The following LIPF variants were observed in gnomAD, a reference collection of about 807,000 sequenced individuals.
LIPF encodes gastric triacylglycerol lipase.
In LIPF, 25 loss-of-function variants were observed where a neutral mutation model predicts 38.0. The observed-to-expected ratio is 0.66, with a 90% CI of 0.48 to 0.92. The LOEUF is 0.92. LIPF is among the 40% of genes least tolerant of loss of function. The pLI, the probability that LIPF is intolerant of heterozygous loss-of-function variation, is 0.00. For synonymous variants in LIPF, 161 were observed against 156.2 expected (o/e 1.03, Z -0.23); for missense variants, 410 against 469.9 (o/e 0.87, Z 1.18).
intron 3 of LIPF, among the ~76,000 whole-genome samples, chr10:88,668,162 G>A (rs1176559097): frequency 6.6e-6 from 1 of 151,580 alleles, no homozygotes; most frequent in Non-Finnish European, 1.5e-5. Flanking sequence ...ATTTTCACTA[G>A]TACTATTAAA....
chr10:88,668,838 A>G, intron 4 of LIPF, 82 bp downstream of exon 4: 1 of 1,102,290 alleles, frequency 9.1e-7, no homozygotes, highest in Non-Finnish European at 1.3e-6. Context: ...TCCCATTTTA[A>G]CAAATTACAC....
chr10:88,676,187 G>A, intron 8 of LIPF, 22 bp from the exon 9 acceptor site: 1 of 1,445,528 alleles, frequency 6.9e-7, no homozygotes, highest in African/African-American at 1.4e-5. Context: ...TTATTTGTTT[G>A]CTTTTAATTT....
chr10:88,677,611 T>C (rs1841707510), intron 9 of LIPF, among the ~76,000 whole-genome samples: 1 of 152,174 alleles, frequency 6.6e-6, no homozygotes, highest in South Asian at 2.1e-4. Flanking sequence ...TTACATATCA[T>C]AAAATATTTT....
chr10:88,674,256 C>A (rs921736909), intron 7 of LIPF, among the ~76,000 whole-genome samples: 2 of 152,124 alleles, frequency 1.3e-5, no homozygotes, highest in Admixed American at 6.5e-5. Flanking sequence ...GCAAGCTCCG[C>A]CTCTTGGGTT....
In LIPF at chr10:88,667,553, G is replaced by A; in HGVS notation, c.106-16G>A. 2 of 1,383,680 alleles carry A rather than the reference G, an allele frequency of 1.4e-6. No homozygotes were observed. The highest frequency in any genetic ancestry group is 2.0e-6 in the Non-Finnish European group (2 of 982,554). The allele number at this position is 1,383,680 out of a possible 1,614,324, so 85.7% of individuals were successfully genotyped here. On this transcript the variant is annotated splice_polypyrimidine_tract_variant and intron_variant, in intron 2 of 9. Coordinates refer to ENST00000238983, the MANE Select transcript of LIPF (RefSeq NM_004190.4). Reference sequence around the variant, plus strand: ...AAAATCAACTAAAATTTAAACTTTTGGGTTTGCTTCCTCAGAGTCAGATGA... The same window carrying A: ...AAAATCAACTAAAATTTAAACTTTTAGGTTTGCTTCCTCAGAGTCAGATGA...
intron 7 of LIPF, 51 bp downstream of exon 7, chr10:88,673,785 G>C (rs1841642198): frequency 6.8e-7 from 1 of 1,474,488 alleles, no homozygotes; most frequent in Non-Finnish European, 9.4e-7. Context: ...TTGATTACTT[G>C]TTTCATTGCC....
At chr10:88,664,669 T>C (rs776689612) in intron 1 of LIPF, among the ~76,000 whole-genome samples, 178 bp downstream of exon 1, 1 of 152,210 alleles carries the variant, frequency 6.6e-6, no homozygotes, top group Non-Finnish European at 1.5e-5. Flanking sequence ...TTTTTTTGTA[T>C]GGACATGAGA....
At chr10:88,670,010 T>C (rs1841571318) in intron 5 of LIPF, 64 bp downstream of exon 5, 1 of 987,906 alleles carries the variant, frequency 1.0e-6, no homozygotes, top group Non-Finnish European at 1.6e-6. Context: ...GTGGTTATGG[T>C]AGGCATGTTA....
At position 88,673,853 on chromosome 10, in the gene LIPF, T is replaced by C; in HGVS notation, c.816+119T>C. 4 of 752,780 alleles carry C rather than the reference T, an allele frequency of 5.3e-6. No homozygotes were observed. In the South Asian group the frequency reaches 7.2e-5, roughly 14 times the overall value. 46.6% of individuals were successfully genotyped at this position (752,780 alleles called of 1,614,324 possible). On this transcript the variant is annotated intron_variant, in intron 7 of 9. Coordinates refer to ENST00000238983, the MANE Select transcript of LIPF (RefSeq NM_004190.4). ...TAGGTTCAGAACTGCGATATCCTGA[T>C]AAACATGAGAGAAATCACAAATCAT... is the stretch of plus-strand genomic sequence containing the variant.
chr10:88,678,770 T>C lies in LIPF; in HGVS notation c.*89T>C. ...TTTCATAATGTTTGACATGCAGTGC[T>C]TCTTTCTGTAATTTTGACTTTAGAA... is the stretch of plus-strand genomic sequence containing the variant. On this transcript the variant is annotated 3_prime_UTR_variant, in exon 10 of 10. Transcript: ENST00000238983. The C allele has an allele frequency of 1.2e-6, 1 of 805,038 alleles. No individual in the cohort carries two copies. The highest frequency in any genetic ancestry group is 2.0e-6 in the Non-Finnish European group (1 of 504,612). The allele number at this position is 805,038 out of a possible 1,614,324, so 49.9% of individuals were successfully genotyped here. A position where few individuals can be genotyped will look rare whatever the true frequency, so the allele number is the denominator to read the frequency against.
intron 6 of LIPF, among the ~76,000 whole-genome samples, chr10:88,672,410 T>C (rs765969087): frequency 6.6e-6 from 1 of 152,058 alleles, no homozygotes; most frequent in Non-Finnish European, 1.5e-5. Flanking sequence ...AAATCAGTGA[T>C]TGAGTGAGGC....
chr10:88,678,806 A>G lies in LIPF; in HGVS notation c.*125A>G. The G allele has an allele frequency of 1.6e-6, 1 of 635,956 alleles. No individual in the cohort carries two copies. 39.4% of individuals were successfully genotyped at this position (635,956 alleles called of 1,614,324 possible). On this transcript the variant is annotated 3_prime_UTR_variant, in exon 10 of 10. Transcript: ENST00000238983. ...ATTTTGACTTTAGAAATATATTGGC[A>G]TCAACAAACTTCCATTTGTCATTTT...
intron 7 of LIPF, 91 bp downstream of exon 7, chr10:88,673,825 G>C: frequency 9.6e-7 from 1 of 1,038,342 alleles, no homozygotes; most frequent in Non-Finnish European, 1.4e-6. Flanking sequence ...TGAGAACTAG[G>C]AGTAGGTTCA....
chr10:88,672,670 A>ACACACACACACTCT (rs869259093), intron 6 of LIPF, among the ~76,000 whole-genome samples: 20 of 110,556 alleles, frequency 1.8e-4, no homozygotes, highest in African/African-American at 6.8e-4. Context: ...ACACACACAC[A>ACACACACACACTCT]CTCTCTCTCT....
chr10:88,674,471 T>A (rs1405567334), intron 7 of LIPF, among the ~76,000 whole-genome samples: 1 of 152,238 alleles, frequency 6.6e-6, no homozygotes, highest in Admixed American at 6.5e-5. Context: ...CCCGGCTGAC[T>A]TTGCCCATAT....
intron 9 of LIPF, among the ~76,000 whole-genome samples, chr10:88,676,481 T>A (rs2134648298): frequency 6.6e-6 from 1 of 152,304 alleles, no homozygotes; most frequent in East Asian, 1.9e-4. Context: ...GCCCTCAAAG[T>A]ACTACACCCC....
chr10:88,671,957 C>T lies in LIPF; in HGVS notation c.661C>T (p.Leu221Phe). ...CAAACTTAGATTTGTTCCTCAATCC[C>T]TCTTCAAGGTATGCAATTCTCTTTA... ...INKLRFVPQS[L>F]FKFIFGDKIF... Residue 221 changes from leucine (L) to phenylalanine (F), a missense_variant, in exon 6 of 10, where the codon CTC becomes TTC. Physicochemically the swap from Leu to Phe is conservative, Grantham distance 22. Transcript: ENST00000238983. 5 of 1,609,202 alleles carry T rather than the reference C, an allele frequency of 3.1e-6. No individual in the cohort carries two copies. The highest frequency in any genetic ancestry group is 4.2e-6 in the Non-Finnish European group (5 of 1,177,932).
In LIPF at chr10:88,671,843, T is replaced by G; in HGVS notation, c.547T>G (p.Ser183Ala). 8.1e-6 allele frequency: 13 copies of G among 1,612,078 alleles called. No individual in the cohort carries two copies. Among genetic ancestry groups the G allele is most frequent in the Non-Finnish European group, 1.1e-5 (13 of 1,179,290 alleles). ...TTCTTTTTCAGGTTTTATTGCCTTT[T>G]CCACCAATCCCAGCCTGGCTAAAAG... The part of the protein sequence containing the change: ...QGTTIGFIAF[S>A]TNPSLAKRIK... Residue 183 changes from serine to alanine, a missense_variant, in exon 6 of 10, where the codon TCC becomes GCC. Ser to Ala is a moderately conservative substitution (Grantham distance 99). Coordinates refer to ENST00000238983, the MANE Select transcript of LIPF (RefSeq NM_004190.4).
intron 9 of LIPF, 44 bp downstream of exon 9, chr10:88,676,324 TACTA>T (rs753724499): frequency 1.8e-6 from 2 of 1,134,804 alleles, no homozygotes. Flanking sequence ...TGAACAACAA[TACTA>T]ACTATTTAAA....
Sources: gnomAD v4.1 joint callset for allele counts (sites outside exome capture counted in the v4.1 genomes callset) on GRCh38, gnomAD v4.1.1 for gene constraint, MANE v1.5 for transcripts, NCBI Gene and HGNC (gene_info 2026-07-23, HGNC 2026-07-21) for gene names.